The following ALG3 variants were observed in gnomAD, a reference collection of about 807,000 sequenced individuals.
ALG3 encodes the protein dol-P-Man:Man(5)GlcNAc(2)-PP-Dol alpha-1,3-mannosyltransferase.
Under a neutral mutation model 50.5 loss-of-function variants are expected in ALG3, and 39 were observed. The ratio of observed to expected loss-of-function variants is 0.77; its 90% CI spans 0.60 to 1.01. The LOEUF (loss-of-function observed/expected upper bound fraction) is 1.01. Ranked by LOEUF, ALG3 falls within the 50% of genes least tolerant of loss-of-function variation. The pLI, the probability that ALG3 is intolerant of heterozygous loss-of-function variation, is 0.00. For missense variants in ALG3, 520 were observed against 554.8 expected (o/e 0.94, Z 0.63); for synonymous variants, 252 against 237.2 (o/e 1.06, Z -0.58).
upstream of ALG3, chr3:184,249,409 A>G (rs974759330): frequency 9.4e-7 from 1 of 1,060,992 alleles, no homozygotes; most frequent in African/African-American, 1.6e-5. Context: ...AAAGTCATTC[A>G]TATTGAAAAT....
chr3:184,249,302 A>T, upstream of ALG3: 1 of 1,605,714 alleles, frequency 6.2e-7, no homozygotes, highest in East Asian at 2.2e-5. Context: ...TCTCTCCAGG[A>T]GGGCAAAGCC....
chr3:184,245,053 C>A, intron 4 of ALG3, 145 bp downstream of exon 4: 1 of 1,148,550 alleles, frequency 8.7e-7, no homozygotes, highest in Non-Finnish European at 1.3e-6. Context: ...AGGGCAGAAA[C>A]TTTCTATAGA....
intron 5 of ALG3, 29 bp from the exon 6 acceptor site, chr3:184,244,025 T>C: frequency 6.2e-7 from 1 of 1,600,454 alleles, no homozygotes; most frequent in Non-Finnish European, 8.5e-7. Flanking sequence ...TCAGCAGAGC[T>C]GCCAAGGCTC....
At chr3:184,246,404 C>T (rs879600990) in intron 1 of ALG3, among the ~76,000 whole-genome samples, 2 of 152,178 alleles carry the variant, frequency 1.3e-5, no homozygotes, top group African/African-American at 2.4e-5. Flanking sequence ...ATAAAGAAAA[C>T]TCTGTATTAT....
Position 184,245,576 on chromosome 3 carries a change from G to T in ALG3, c.336C>A (p.Tyr112Ter), listed in dbSNP as rs771885462. 1 of 1,613,716 alleles carries T rather than the reference G, an allele frequency of 6.2e-7. No individual in the cohort carries two copies. The change falls in exon 3 of 9, where the codon TAC becomes TAA. Residue 112 changes from tyrosine to a stop codon, truncating the protein, a stop_gained. Coordinates refer to ENST00000397676, the MANE Select transcript of ALG3 (RefSeq NM_005787.6). LOFTEE classifies it high-confidence loss of function. ...TGTCAGTGCCTCGGCTGGTGGCATA[G>T]TACAACCCCATAAAGATGTACACGA... ...AGFVYIFMGLYYATSRGTDIR... is the reference protein window; with the variant it reads ...AGFVYIFMGL
At chr3:184,249,016 T>C (rs1389416488), upstream of ALG3, 1 of 1,538,798 alleles carries the variant, frequency 6.5e-7, no homozygotes, top group South Asian at 1.2e-5. Context: ...CCGCTTCCCG[T>C]GCCTGGCGTC....
chr3:184,242,409 T>G lies in ALG3; in HGVS notation c.*105A>C, dbSNP rs1379759636. 3 of 1,383,974 alleles carry G rather than the reference T, an allele frequency of 2.2e-6. No homozygotes were observed. The highest frequency in any genetic ancestry group is 3.0e-6 in the Non-Finnish European group (3 of 996,078). The allele number at this position is 1,383,974 out of a possible 1,614,324, so 85.7% of individuals were successfully genotyped here. On this transcript the variant is annotated 3_prime_UTR_variant, in exon 9 of 9. Transcript: ENST00000397676. ...GGCATCGGCTGCCCCCACCTCCATG[T>G]AGGTTGCACAGAGTTGGACTTAGCA... is the stretch of plus-strand genomic sequence containing the variant.
chr3:184,245,905 A>C, intron 1 of ALG3, 93 bp from the exon 2 acceptor site: 3 of 971,738 alleles, frequency 3.1e-6, no homozygotes, highest in Non-Finnish European at 4.8e-6. Context: ...ACAGACTTTC[A>C]GCCAATTCCC....
rs746583017 is a variant in ALG3, at chr3:184,248,924, C to T, written c.17G>A (p.Arg6Gln). 4 of 1,585,522 alleles carry T rather than the reference C, an allele frequency of 2.5e-6. No individual in the cohort carries two copies. The highest frequency in any genetic ancestry group is 1.3e-5 in the African/African-American group (1 of 74,496). The change falls in exon 1 of 9, where the codon CGG (arginine) becomes CAG (glutamine). Residue 6 changes from arginine (R) to glutamine (Q), a missense_variant. Physicochemically the swap from Arg to Gln is conservative, Grantham distance 43. This residue lies in a region of ALG3 where 290 missense variants were observed against 265.9 expected (regional missense o/e 1.09). Coordinates refer to ENST00000397676, the MANE Select transcript of ALG3 (RefSeq NM_005787.6). The stretch of plus-strand genomic sequence containing the variant: ...CGCGGAACCGGACCGGCCGCGTTTC[C>T]GCAGCCCAGCCGCCATCTTAACGGT... MAAGLRKRGRSGSAAQ... is the reference protein window; with the variant it reads MAAGLQKRGRSGSAAQ...
intron 4 of ALG3, 101 bp from the exon 5 acceptor site, chr3:184,244,822 C>A (rs977897823): frequency 6.8e-7 from 1 of 1,474,042 alleles, no homozygotes; most frequent in Non-Finnish European, 9.1e-7. Flanking sequence ...AACCTCCCCC[C>A]CGCCGCCACG....
At chr3:184,243,046 C>T (rs1327365883) in intron 7 of ALG3, 89 bp from the exon 8 acceptor site, 3 of 1,531,816 alleles carry the variant, frequency 2.0e-6, no homozygotes, top group Admixed American at 1.9e-5. Flanking sequence ...TCACATAGCC[C>T]TCTGGCTCTG....
chr3:184,245,376 T>C lies in ALG3; in HGVS notation c.445-18A>G. The C allele has an allele frequency of 6.2e-7, 1 of 1,612,848 alleles. No homozygotes were observed. Reference sequence around the variant, plus strand: ...GGAGGTACCTAAAGGGAAAACACAGTAAGGTACAAGGTCAGCTCAGCAAGC... The same window carrying C: ...GGAGGTACCTAAAGGGAAAACACAGCAAGGTACAAGGTCAGCTCAGCAAGC... On this transcript the variant is annotated intron_variant, in intron 3 of 8. Transcript: ENST00000397676.
At chr3:184,244,871 T>C in intron 4 of ALG3, 150 bp from the exon 5 acceptor site, 2 of 1,169,372 alleles carry the variant, frequency 1.7e-6, no homozygotes, top group Non-Finnish European at 2.4e-6. Context: ...TCACAACTGT[T>C]GGAGGGAAGA....
intron 5 of ALG3, 138 bp downstream of exon 5, chr3:184,244,463 A>G (rs945266930): frequency 3.8e-6 from 4 of 1,052,446 alleles, no homozygotes; most frequent in Non-Finnish European, 4.1e-6. Context: ...ACTACAGCCT[A>G]GCGATAGTGG....
intron 4 of ALG3, chr3:184,244,940 AT>A: frequency 1.4e-6 from 1 of 736,176 alleles, no homozygotes; most frequent in South Asian, 1.8e-5. Flanking sequence ...GCGAATGAGC[AT>A]ATACTGAGTA....
chr3:184,249,131 C>T, upstream of ALG3: 1 of 1,501,356 alleles, frequency 6.7e-7, no homozygotes, highest in Non-Finnish European at 9.1e-7. Flanking sequence ...TCCATAGGAG[C>T]AGGGACAATG....
intron 1 of ALG3, 113 bp downstream of exon 1, chr3:184,248,632 A>C (rs74733988): frequency 5.0e-5 from 51 of 1,016,614 alleles, no homozygotes; most frequent in Non-Finnish European, 7.1e-5. Context: ...TGGGTTCGCA[A>C]TTGACGAGTG....
At chr3:184,247,206 G>T (rs1053346800) in intron 1 of ALG3, among the ~76,000 whole-genome samples, 14 of 151,736 alleles carry the variant, frequency 9.2e-5, no homozygotes, top group African/African-American at 3.4e-4. Flanking sequence ...GCCCAGCCAG[G>T]CTGGTCTTTA....
In ALG3 at chr3:184,245,374, A is replaced by G; in HGVS notation, c.445-16T>C. 6.2e-7 allele frequency: 1 copy of G among 1,612,966 alleles called. No homozygotes were observed. On this transcript the variant is annotated splice_polypyrimidine_tract_variant and intron_variant, in intron 3 of 8. Coordinates refer to ENST00000397676, the MANE Select transcript of ALG3 (RefSeq NM_005787.6). Reference sequence around the variant, plus strand: ...AGGGAGGTACCTAAAGGGAAAACACAGTAAGGTACAAGGTCAGCTCAGCAA... The same window carrying G: ...AGGGAGGTACCTAAAGGGAAAACACGGTAAGGTACAAGGTCAGCTCAGCAA...
Sources: gnomAD v4.1 joint callset for allele counts (sites outside exome capture counted in the v4.1 genomes callset) on GRCh38, gnomAD v4.1.1 for gene constraint, gnomAD v4.1.1 regional missense constraint, MANE v1.5 for transcripts, NCBI Gene and HGNC (gene_info 2026-07-23, HGNC 2026-07-21) for gene names.